Variants in TTLL11 observed in about 807,000 individuals in gnomAD.
TTLL11 encodes tubulin polyglutamylase TTLL11.
TTLL11 carries 42 observed loss-of-function variants against 51.7 expected under a neutral mutation model. The observed-to-expected ratio is 0.81, with a 90% CI of 0.64 to 1.05. The LOEUF (loss-of-function observed/expected upper bound fraction) is 1.05. TTLL11 is among the 50% of genes least tolerant of loss of function. The pLI, the probability that TTLL11 is intolerant of heterozygous loss-of-function variation, is 0.00. For synonymous variants in TTLL11, 381 were observed against 383.5 expected, an observed-to-expected ratio of 0.99 and a Z score of 0.08; for missense variants, 799 against 940.4, an observed-to-expected ratio of 0.85 and a Z score of 1.97.
At chr9:122,088,264 T>C (rs1384142997) in intron 1 of TTLL11, among the ~76,000 whole-genome samples, 1 of 152,234 alleles carries the variant, frequency 6.6e-6, no homozygotes, top group African/African-American at 2.4e-5. Flanking sequence ...GCCTGCCTTG[T>C]TGTTCCTACT....
intron 6 of TTLL11, 71 bp from the exon 7 acceptor site, chr9:121,870,819 C>A: frequency 1.4e-6 from 2 of 1,444,240 alleles, no homozygotes; most frequent in South Asian, 1.5e-5. Context: ...GATTTACAGC[C>A]TCCTCGGGAG....
intron 6 of TTLL11, among the ~76,000 whole-genome samples, chr9:121,938,790 T>C (rs916728517): frequency 7.9e-5 from 12 of 152,316 alleles, no homozygotes; most frequent in African/African-American, 2.9e-4. Flanking sequence ...ATTTGATAAG[T>C]TTCATAACCA....
rs564546117 is a variant in TTLL11 at position 121,905,648 on chromosome 9, C to T, written c.1482-34900G>A. The stretch of plus-strand genomic sequence containing the variant: ...GATTACAGGCATGAGCCACTGCACC[C>T]AGCCATTTAACATTTTATTATAAGC... On this transcript the variant is annotated intron_variant, in intron 6 of 8. Transcript: ENST00000321582. Among the ~76,000 whole-genome samples, 3 of 152,288 alleles carry T rather than the reference C, an allele frequency of 2.0e-5. No homozygotes were observed. In the South Asian group the frequency reaches 6.2e-4, roughly 32 times the overall value.
chr9:122,087,214 ATT>A (rs11308678), intron 1 of TTLL11, among the ~76,000 whole-genome samples: 9 of 146,620 alleles, frequency 6.1e-5, no homozygotes, highest in Middle Eastern at 3.6e-3. Context: ...ACTCAATACA[ATT>A]TTTTTTTTTT....
intron 1 of TTLL11, among the ~76,000 whole-genome samples, chr9:122,064,428 T>C (rs1301912992): frequency 6.6e-6 from 1 of 152,224 alleles, no homozygotes. Context: ...ACAATAATCA[T>C]AAATGAGTTC....
At chr9:121,844,747 G>A (rs1460801698) in intron 8 of TTLL11, among the ~76,000 whole-genome samples, 1 of 152,054 alleles carries the variant, frequency 6.6e-6, no homozygotes, top group Non-Finnish European at 1.5e-5. Flanking sequence ...GGGCCCATCA[G>A]CAGATTGGAT....
At chr9:122,031,916 C>T in intron 2 of TTLL11, 60 bp from the exon 3 acceptor site, 1 of 1,556,804 alleles carries the variant, frequency 6.4e-7, no homozygotes, top group South Asian at 1.2e-5. Context: ...ATAAAACAGC[C>T]ATTATTTGGG....
intron 3 of TTLL11, among the ~76,000 whole-genome samples, chr9:122,021,850 C>A (rs1252952702): frequency 6.6e-6 from 1 of 152,010 alleles, no homozygotes; most frequent in East Asian, 1.9e-4. Context: ...AGAGAAAAAT[C>A]AAAACCAACT....
chr9:121,821,455 C>T lies in TTLL11; in HGVS notation c.*1132G>A, dbSNP rs1836576003. ...TTAAAGGGATCCTCCAGGAAAGGGC[C>T]ACATTAACCCCAAATCCAACCACAC... On this transcript the variant is annotated 3_prime_UTR_variant, in exon 9 of 9. Coordinates refer to ENST00000321582, the MANE Select transcript of TTLL11 (RefSeq NM_001139442.2). This position sits in a 1 kb window ranked among gnomAD's most constrained non-coding sequence, Gnocchi z 5.0. Among the ~76,000 whole-genome samples, 1 of 152,152 alleles carries T rather than the reference C, an allele frequency of 6.6e-6. No individual in the cohort carries two copies. Among genetic ancestry groups the T allele is most frequent in the Non-Finnish European group, 1.5e-5 (1 of 68,028 alleles).
chr9:121,850,294 C>T (rs925768422), intron 8 of TTLL11, among the ~76,000 whole-genome samples: 10 of 152,050 alleles, frequency 6.6e-5, no homozygotes, highest in Non-Finnish European at 1.3e-4. Context: ...TACAACAGAC[C>T]ATCTTTAAAG....
At chr9:122,027,457 T>A (rs1429242740) in intron 3 of TTLL11, among the ~76,000 whole-genome samples, 1 of 152,132 alleles carries the variant, frequency 6.6e-6, no homozygotes, top group Non-Finnish European at 1.5e-5. Flanking sequence ...ATGGAGTGAA[T>A]CCTGTACCAG....
intron 6 of TTLL11, among the ~76,000 whole-genome samples, chr9:121,964,787 C>A (rs1409936489): frequency 6.6e-6 from 1 of 152,154 alleles, no homozygotes; most frequent in Non-Finnish European, 1.5e-5. Context: ...TTTCATATTT[C>A]AAATCCTACT....
chr9:121,907,465 AT>A lies in TTLL11; in HGVS notation c.1482-36718del, dbSNP rs535034991. ...AACTCTGTCTCAAAAAAAAAAAAAA[AT>A]AGAGATTTCAATGATCCTATTAAAA... On this transcript the variant is annotated intron_variant, in intron 6 of 8. Coordinates refer to ENST00000321582, the MANE Select transcript of TTLL11 (RefSeq NM_001139442.2). Among the ~76,000 whole-genome samples, 525 of 150,846 alleles carry A rather than the reference AT, an allele frequency of 3.5e-3. 1 individual carries two copies. The highest frequency in any genetic ancestry group is 0.012 in the African/African-American group (499 of 40,922).
chr9:122,055,417 C>T (rs115544970), intron 1 of TTLL11, among the ~76,000 whole-genome samples: 2,339 of 152,176 alleles, frequency 0.015, 53 homozygotes, highest in African/African-American at 0.053. Flanking sequence ...GGAAGCTAAG[C>T]CATTCCAGGA....
intron 6 of TTLL11, among the ~76,000 whole-genome samples, chr9:121,875,637 T>A (rs1385722332): frequency 6.6e-6 from 1 of 152,216 alleles, no homozygotes; most frequent in Admixed American, 6.5e-5. Flanking sequence ...AGAAATGGTA[T>A]CTTTGCTGGA....
At chr9:122,072,209 A>G (rs140919899) in intron 1 of TTLL11, among the ~76,000 whole-genome samples, 3 of 152,278 alleles carry the variant, frequency 2.0e-5, no homozygotes, top group Non-Finnish European at 4.4e-5. Flanking sequence ...CCCAGTCTCT[A>G]AAAGTTTAAA....
chr9:121,966,176 A>C (rs1042349895), intron 6 of TTLL11, among the ~76,000 whole-genome samples: 1 of 152,256 alleles, frequency 6.6e-6, no homozygotes, highest in Non-Finnish European at 1.5e-5. Context: ...GGTGATAGGA[A>C]GTAATGAAAT....
chr9:121,959,005 G>C (rs975491703), intron 6 of TTLL11, among the ~76,000 whole-genome samples: 1 of 152,136 alleles, frequency 6.6e-6, no homozygotes, highest in Admixed American at 6.5e-5. Context: ...TGCTTCTTAA[G>C]GCCCCCAAGG....
intron 1 of TTLL11, among the ~76,000 whole-genome samples, chr9:122,051,445 T>C (rs961117612): frequency 5.9e-5 from 9 of 152,228 alleles, no homozygotes; most frequent in African/African-American, 9.7e-5. Flanking sequence ...ATAAAGTTAT[T>C]TGAAACCCAG....
Sources: gnomAD v4.1 joint callset for allele counts (sites outside exome capture counted in the v4.1 genomes callset) on GRCh38, gnomAD v4.1.1 for gene constraint, Gnocchi (gnomAD v3.1) non-coding constraint, MANE v1.5 for transcripts, NCBI Gene and HGNC (gene_info 2026-07-23, HGNC 2026-07-21) for gene names.